The following ADCY9 variants were observed in gnomAD, a reference collection of about 807,000 sequenced individuals.
The protein encoded by ADCY9 is adenylate cyclase type 9.
In ADCY9, 50 loss-of-function variants were observed where a neutral mutation model predicts 101.5. The observed-to-expected ratio is 0.49, with a 90% CI of 0.39 to 0.62. ADCY9 has a LOEUF of 0.62. ADCY9 is among the 20% of genes least tolerant of loss of function. The pLI, the probability that ADCY9 is intolerant of heterozygous loss-of-function variation, is 0.00. For synonymous variants in ADCY9, 905 were observed against 769.3 expected, an observed-to-expected ratio of 1.18 and a Z score of -2.92; for missense variants, 1,662 against 1,800.4, an observed-to-expected ratio of 0.92 and a Z score of 1.39.
chr16:4,054,715 T>C (rs2056725502), intron 2 of ADCY9, among the ~76,000 whole-genome samples: 1 of 151,852 alleles, frequency 6.6e-6, no homozygotes, highest in Non-Finnish European at 1.5e-5. Context: ...GGACTACAGG[T>C]GCCCGCCACC....
intron 5 of ADCY9, among the ~76,000 whole-genome samples, chr16:3,953,830 A>T (rs1187136185): frequency 6.6e-6 from 1 of 152,216 alleles, no homozygotes; most frequent in Non-Finnish European, 1.5e-5. Context: ...CAAAAACATC[A>T]GGTTCTGGCA....
chr16:3,967,004 C>T, intron 10 of ADCY9, 38 bp from the exon 11 acceptor site: 1 of 1,550,352 alleles, frequency 6.5e-7, no homozygotes, highest in African/African-American at 1.4e-5. Context: ...GAGGTTACTG[C>T]TCGGCGCTTC....
At position 4,007,535 on chromosome 16, in the gene ADCY9, C is replaced by T; in HGVS notation, c.1717G>A (p.Gly573Ser). ...LKGLKTYLIS[G>S]QRAKESRCSC... Reference sequence around the variant, plus strand: ...CAGCGAGACTCCTTGGCTCTCTGACCCGATATCAGGTATGTCTTCAAACCT... The same window carrying T: ...CAGCGAGACTCCTTGGCTCTCTGACTCGATATCAGGTATGTCTTCAAACCT... The change falls in exon 3 of 11, where the codon GGT becomes AGT. Residue 573 changes from glycine to serine, a missense_variant. Coordinates refer to ENST00000294016, the MANE Select transcript of ADCY9 (RefSeq NM_001116.4). 1.2e-6 allele frequency: 2 copies of T among 1,609,902 alleles called. No homozygotes were observed. The highest frequency in any genetic ancestry group is 1.7e-6 in the Non-Finnish European group (2 of 1,178,814).
chr16:4,014,938 C>CTT (rs1252263955), intron 2 of ADCY9, among the ~76,000 whole-genome samples: 3 of 43,478 alleles, frequency 6.9e-5, no homozygotes, highest in South Asian at 2.0e-3. Flanking sequence ...CCTGTTTTGG[C>CTT]CTTTTTTTTT....
chr16:4,050,989 G>C (rs535981708), intron 2 of ADCY9, among the ~76,000 whole-genome samples: 5 of 152,088 alleles, frequency 3.3e-5, no homozygotes, highest in African/African-American at 7.2e-5. Context: ...GAGGCAGGCA[G>C]ATCACCTGAG....
rs982400658 is a variant in ADCY9 at position 3,963,282 on chromosome 16, C to G, written c.*2493G>C. On this transcript the variant is annotated 3_prime_UTR_variant, in exon 11 of 11. Transcript: ENST00000294016. ...GAGGTATTGCCACCCTGAAGCACGA[C>G]CCATGCCGTCAGCAGCCCTCGTGCC... The G allele has an allele frequency of 2.5e-6, 1 of 398,618 alleles. No individual in the cohort carries two copies. The highest frequency in any genetic ancestry group is 2.1e-5 in the African/African-American group (1 of 48,548). The allele number at this position is 398,618 out of a possible 1,614,324, so 24.7% of individuals were successfully genotyped here. A position where few individuals can be genotyped will look rare whatever the true frequency, so the allele number is the denominator to read the frequency against.
intron 10 of ADCY9, among the ~76,000 whole-genome samples, chr16:3,970,393 C>T (rs1432193968): frequency 5.3e-5 from 8 of 151,920 alleles, no homozygotes; most frequent in Admixed American, 3.9e-4. Context: ...AATGGCGCGA[C>T]CTTGGCTCAC....
At position 3,976,365 on chromosome 16, in the gene ADCY9, C is replaced by T. The variant is rs373289471; in HGVS notation, c.2828+1117G>A. On this transcript the variant is annotated intron_variant, in intron 9 of 10. Transcript: ENST00000294016. ...GAAAGATAGGGATCTTACTGGATGT[C>T]GCTAATGGCAAATATTTTAAATATA... 4.6e-5 allele frequency among the ~76,000 whole-genome samples: 7 copies of T among 152,128 alleles called. No individual in the cohort carries two copies. The South Asian group carries it at 1.0e-3, about 23-fold the overall frequency.
rs138231060 is a variant in ADCY9, at chr16:4,115,260, C to G, written c.183G>C (p.Gly61=). 6.2e-7 allele frequency: 1 copy of G among 1,613,494 alleles called. No individual in the cohort carries two copies. Among genetic ancestry groups the G allele is most frequent in the Non-Finnish European group, 8.5e-7 (1 of 1,179,728 alleles). ...SSSCSSSGDS[G]GVPRRVGGGG... The stretch of plus-strand genomic sequence containing the variant: ...CGCCGCCCACTCGCCGGGGGACGCC[C>G]CCGGAGTCCCCAGAGCTGCTGCAGC... Residue 61 remains glycine, a synonymous_variant, in exon 2 of 11, where the codon GGG becomes GGC. Coordinates refer to ENST00000294016, the MANE Select transcript of ADCY9 (RefSeq NM_001116.4). The surrounding 1 kb of genome is among the most constrained non-coding windows in gnomAD (Gnocchi z 6.2).
At chr16:4,055,427 G>A (rs972227826) in intron 2 of ADCY9, among the ~76,000 whole-genome samples, 14 of 151,976 alleles carry the variant, frequency 9.2e-5, no homozygotes, top group Admixed American at 5.2e-4. Context: ...CCAGCTACTC[G>A]GGAGGCTGAG....
chr16:4,051,809 T>G (rs148160685), intron 2 of ADCY9, among the ~76,000 whole-genome samples: 122 of 152,306 alleles, frequency 8.0e-4, no homozygotes, highest in Non-Finnish European at 1.5e-3. Flanking sequence ...CATCACCATT[T>G]GGCAATGCTC....
At chr16:4,006,816 C>G (rs916598106) in intron 3 of ADCY9, among the ~76,000 whole-genome samples, 1 of 152,152 alleles carries the variant, frequency 6.6e-6, no homozygotes, top group African/African-American at 2.4e-5. Context: ...AGTCCAGAAA[C>G]GGGCACTTCT....
intron 2 of ADCY9, among the ~76,000 whole-genome samples, chr16:4,010,026 A>G (rs952289915): frequency 2.0e-5 from 3 of 152,152 alleles, no homozygotes; most frequent in Admixed American, 1.3e-4. Flanking sequence ...ACATACTGAG[A>G]GAGGAGGGAC....
chr16:4,041,800 G>A (rs1354248056), intron 2 of ADCY9, among the ~76,000 whole-genome samples: 2 of 148,168 alleles, frequency 1.3e-5, no homozygotes, highest in Non-Finnish European at 3.0e-5. Flanking sequence ...TGCCCATGCT[G>A]GAGTACGGTG....
intron 2 of ADCY9, among the ~76,000 whole-genome samples, chr16:4,102,756 C>G (rs1416309786): frequency 2.0e-5 from 3 of 151,860 alleles, no homozygotes; most frequent in African/African-American, 7.3e-5. Context: ...GAGTCTCGCT[C>G]TGTCGCCCAG....
At chr16:4,047,917 G>A (rs1037672822) in intron 2 of ADCY9, among the ~76,000 whole-genome samples, 1 of 152,170 alleles carries the variant, frequency 6.6e-6, no homozygotes, top group African/African-American at 2.4e-5. Context: ...CCTTACCCAG[G>A]TAGCCACGAA....
chr16:4,057,493 C>T (rs1014253818), intron 2 of ADCY9, among the ~76,000 whole-genome samples: 4 of 152,092 alleles, frequency 2.6e-5, no homozygotes, highest in South Asian at 4.1e-4. Context: ...GTCGTTTGTC[C>T]GCCGGCCACC....
At chr16:3,953,878 C>T (rs560344317) in intron 5 of ADCY9, among the ~76,000 whole-genome samples, 4 of 152,328 alleles carry the variant, frequency 2.6e-5, no homozygotes, top group East Asian at 1.9e-4. Context: ...ACGGGGAGGT[C>T]GCTGTCAGAG....
At chr16:3,986,966 G>A (rs568285555) in intron 6 of ADCY9, among the ~76,000 whole-genome samples, 8 of 152,300 alleles carry the variant, frequency 5.3e-5, no homozygotes, top group African/African-American at 1.2e-4. Flanking sequence ...CATGGGAGCC[G>A]TGACCTGGCC....
Sources: gnomAD v4.1 joint callset for allele counts (sites outside exome capture counted in the v4.1 genomes callset) on GRCh38, gnomAD v4.1.1 for gene constraint, Gnocchi (gnomAD v3.1) non-coding constraint, MANE v1.5 for transcripts, NCBI Gene and HGNC (gene_info 2026-07-23, HGNC 2026-07-21) for gene names.